The following NR6A1 variants were observed in gnomAD, a reference collection of about 807,000 sequenced individuals.
NR6A1 encodes the protein nuclear receptor subfamily 6 group A member 1.
Under a neutral mutation model 59.1 loss-of-function variants are expected in NR6A1, and 7 were observed. The observed-to-expected ratio is 0.12, with a 90% CI of 0.07 to 0.22. NR6A1 has a LOEUF of 0.22. NR6A1 is among the 10% of genes least tolerant of loss of function. The probability of loss-of-function intolerance (pLI) is 1.00; values close to 1 mark genes in which losing one functional copy is unlikely to be tolerated. For missense variants in NR6A1, 468 were observed against 611.6 expected (o/e 0.77, Z 2.48); for synonymous variants, 243 against 236.1 (o/e 1.03, Z -0.27).
chr9:124,687,574 A>G (rs1055221859), intron 2 of NR6A1, among the ~76,000 whole-genome samples: 1 of 152,174 alleles, frequency 6.6e-6, no homozygotes, highest in Non-Finnish European at 1.5e-5. Flanking sequence ...TATAAGAATG[A>G]CCATTATCCC....
intron 2 of NR6A1, among the ~76,000 whole-genome samples, chr9:124,721,086 T>C (rs1192809572): frequency 6.6e-6 from 1 of 152,214 alleles, no homozygotes; most frequent in Non-Finnish European, 1.5e-5. Context: ...AGCCTCAGAA[T>C]TTCTTCTCAT....
chr9:124,739,996 T>G (rs1468850052), intron 1 of NR6A1, among the ~76,000 whole-genome samples: 1 of 152,224 alleles, frequency 6.6e-6, no homozygotes, highest in African/African-American at 2.4e-5. Flanking sequence ...TCTACAATTC[T>G]AATCAACTAT....
At chr9:124,616,623 C>T (rs1194464762) in intron 2 of NR6A1, among the ~76,000 whole-genome samples, 1 of 151,990 alleles carries the variant, frequency 6.6e-6, no homozygotes, top group Non-Finnish European at 1.5e-5. Flanking sequence ...TATACACACA[C>T]ATATATTAGT....
intron 2 of NR6A1, among the ~76,000 whole-genome samples, chr9:124,679,902 GA>G (rs58462266): frequency 0.044 from 3,390 of 76,998 alleles, 105 homozygotes; most frequent in African/African-American, 0.14. Context: ...ATCTCAAAGA[GA>G]AAAAAAAAAA....
At chr9:124,734,782 A>G (rs191124806) in intron 1 of NR6A1, among the ~76,000 whole-genome samples, 7 of 152,350 alleles carry the variant, frequency 4.6e-5, no homozygotes, top group African/African-American at 1.7e-4. Flanking sequence ...AAGCCAGACC[A>G]ACAACTAGCC....
chr9:124,709,505 G>A (rs955444057), intron 2 of NR6A1, among the ~76,000 whole-genome samples: 4 of 152,102 alleles, frequency 2.6e-5, no homozygotes, highest in African/African-American at 9.7e-5. Context: ...TCAGTCTAAA[G>A]AAGTTATCAA....
At chr9:124,573,830 A>C (rs972663524) in intron 2 of NR6A1, among the ~76,000 whole-genome samples, 35 of 152,368 alleles carry the variant, frequency 2.3e-4, no homozygotes, top group African/African-American at 7.5e-4. Flanking sequence ...ACATATATAC[A>C]TATGAACATA....
At chr9:124,553,268 GC>G (rs1355078452) in intron 3 of NR6A1, among the ~76,000 whole-genome samples, 1 of 152,018 alleles carries the variant, frequency 6.6e-6, no homozygotes, top group Non-Finnish European at 1.5e-5. Context: ...TCTGACACCG[GC>G]CCTTCTCTCT....
chr9:124,687,569 G>A (rs1008018831), intron 2 of NR6A1, among the ~76,000 whole-genome samples: 2 of 152,122 alleles, frequency 1.3e-5, no homozygotes, highest in Non-Finnish European at 2.9e-5. Flanking sequence ...CTAAATATAA[G>A]AATGACCATT....
chr9:124,542,111 T>C (rs1833464854), intron 4 of NR6A1, among the ~76,000 whole-genome samples: 1 of 152,238 alleles, frequency 6.6e-6, no homozygotes, highest in Non-Finnish European at 1.5e-5. Flanking sequence ...AGTGTGTATA[T>C]AGTTAACAAC....
intron 7 of NR6A1, among the ~76,000 whole-genome samples, chr9:124,532,530 A>G (rs1391223599): frequency 1.3e-5 from 2 of 152,210 alleles, no homozygotes; most frequent in Non-Finnish European, 2.9e-5. Flanking sequence ...CCATGTCTGC[A>G]TCACCTGTGA....
At position 124,536,062 on chromosome 9, in the gene NR6A1, T is replaced by C; in HGVS notation, c.895A>G (p.Ile299Val). 1 of 1,614,192 alleles carries C rather than the reference T, an allele frequency of 6.2e-7. No homozygotes were observed. The highest frequency in any genetic ancestry group is 8.5e-7 in the Non-Finnish European group (1 of 1,180,036). Residue 299 changes from isoleucine to valine, a missense_variant, in exon 7 of 10, where the codon ATT becomes GTT. This residue lies in a region of NR6A1 where 176 missense variants were observed against 264.0 expected (regional missense o/e 0.67). Coordinates refer to ENST00000487099, the MANE Select transcript of NR6A1 (RefSeq NM_033334.4). ...RLADELLFRQ[I>V]AWIKKLPFFC... ...AAAGGCAGTTTCTTGATCCAGGCAA[T>C]CTGCCTAAAGAGCAGCTCGTCGGCC...
intron 4 of NR6A1, 70 bp from the exon 5 acceptor site, chr9:124,540,257 T>C (rs1488500569): frequency 1.3e-6 from 2 of 1,483,474 alleles, no homozygotes; most frequent in Non-Finnish European, 1.8e-6. Context: ...GACTGAGAGC[T>C]TATTTAAATC....
At chr9:124,663,663 A>C (rs991229558) in intron 2 of NR6A1, among the ~76,000 whole-genome samples, 1 of 152,180 alleles carries the variant, frequency 6.6e-6, no homozygotes, top group African/African-American at 2.4e-5. Flanking sequence ...GAGACCACAA[A>C]GAATGGAAAT....
chr9:124,698,195 A>G (rs1838827512), intron 2 of NR6A1: 1 of 152,234 alleles, frequency 6.6e-6, no homozygotes, highest in Non-Finnish European at 1.5e-5. Flanking sequence ...TTCAACAATT[A>G]AGAAAAAGTT....
intron 2 of NR6A1, among the ~76,000 whole-genome samples, chr9:124,682,355 G>T (rs886993176): frequency 2.0e-5 from 3 of 152,202 alleles, no homozygotes; most frequent in Admixed American, 1.3e-4. Context: ...ATCAAAAGAA[G>T]AATATGCAAA....
At position 124,579,738 on chromosome 9, in the gene NR6A1, C is replaced by G. The variant is rs138403972; in HGVS notation, c.143-25168G>C. The stretch of plus-strand genomic sequence containing the variant: ...TTATAAAATTAAACATAGCCGGGCA[C>G]GGTAGCTCATACCTGTAATCCTACC... On this transcript the variant is annotated intron_variant, in intron 2 of 9. Coordinates refer to ENST00000487099, the MANE Select transcript of NR6A1 (RefSeq NM_033334.4). Among the ~76,000 whole-genome samples the G allele has an allele frequency of 2.0e-5, 3 of 152,248 alleles. No individual in the cohort carries two copies. The East Asian group carries it at 5.8e-4, about 29-fold the overall frequency.
chr9:124,672,785 A>G (rs1837834766), intron 2 of NR6A1, among the ~76,000 whole-genome samples: 1 of 152,084 alleles, frequency 6.6e-6, no homozygotes, highest in African/African-American at 2.4e-5. Flanking sequence ...ATCCTTTTTT[A>G]AAATTTCATT....
intron 2 of NR6A1, among the ~76,000 whole-genome samples, chr9:124,615,537 C>T (rs1037008034): frequency 1.3e-4 from 20 of 152,118 alleles, no homozygotes; most frequent in Admixed American, 5.9e-4. Context: ...TCAACTATTT[C>T]GTAATCCTAA....
Sources: allele counts gnomAD v4.1 joint callset (sites outside exome capture counted in the v4.1 genomes callset), GRCh38; gene constraint gnomAD v4.1.1; regional missense constraint gnomAD v4.1.1; transcripts MANE v1.5; gene names NCBI Gene and HGNC (gene_info 2026-07-23, HGNC 2026-07-21).